PRDX6: variants seen among roughly 807,000 people sequenced by gnomAD.
The protein encoded by PRDX6 is peroxiredoxin-6.
Under a neutral mutation model 20.0 loss-of-function variants are expected in PRDX6, and 13 were observed. The ratio of observed to expected loss-of-function variants is 0.65; its 90% CI spans 0.42 to 1.03. PRDX6 has a LOEUF of 1.03. Among genes scored for constraint, PRDX6 ranks in the 50% least tolerant of loss-of-function variants. PRDX6 has a pLI of 0.00. For synonymous variants in PRDX6, 85 were observed against 100.8 expected, an observed-to-expected ratio of 0.84 and a Z score of 0.94; for missense variants, 203 against 276.9, an observed-to-expected ratio of 0.73 and a Z score of 1.89.
rs768009412 is a variant in PRDX6 at position 173,477,379 on chromosome 1, C to G, written c.-19C>G. ...CCGGTTGCTTGCTGTCCCAGCGGCG[C>G]CCCCTCATCACCGTCGCCATGCCCG... is the stretch of plus-strand genomic sequence containing the variant. On this transcript the variant is annotated 5_prime_UTR_variant, in exon 1 of 5. Transcript: ENST00000340385. 3.8e-6 allele frequency: 6 copies of G among 1,594,660 alleles called. No individual in the cohort carries two copies. Among genetic ancestry groups the G allele is most frequent in the South Asian group, 2.2e-5 (2 of 89,544 alleles).
At position 173,487,978 on chromosome 1, in the gene PRDX6, C is replaced by A; in HGVS notation, c.*115C>A. 1 of 1,291,472 alleles carries A rather than the reference C, an allele frequency of 7.7e-7. No individual in the cohort carries two copies. The highest frequency in any genetic ancestry group is 1.1e-6 in the Non-Finnish European group (1 of 937,046). The allele number at this position is 1,291,472 out of a possible 1,614,324, so 80.0% of individuals were successfully genotyped here. On this transcript the variant is annotated 3_prime_UTR_variant, in exon 5 of 5. Transcript: ENST00000340385. ...CATCACAGCCAAGGTTTTTAGGTTG[C>A]TATACCAATGGCTTATTAAATGAAA... is the stretch of plus-strand genomic sequence containing the variant.
intron 2 of PRDX6, 28 bp from the exon 3 acceptor site, chr1:173,485,333 C>T: frequency 1.3e-6 from 2 of 1,541,030 alleles, no homozygotes; most frequent in Non-Finnish European, 1.8e-6. Context: ...GGTTTAGATT[C>T]CTCTTTCCCC....
chr1:173,482,185 T>C (rs1355154638), intron 2 of PRDX6, among the ~76,000 whole-genome samples: 2 of 152,360 alleles, frequency 1.3e-5, no homozygotes, highest in Admixed American at 6.5e-5. Context: ...CTTCAAAATA[T>C]GTCCTGTATC....
At chr1:173,483,430 A>C (rs1339172205) in intron 2 of PRDX6, among the ~76,000 whole-genome samples, 1 of 152,154 alleles carries the variant, frequency 6.6e-6, no homozygotes, top group Non-Finnish European at 1.5e-5. Flanking sequence ...GAATGTTACA[A>C]TTTGTTATCA....
Position 173,485,476 on chromosome 1 carries a change from A to G in PRDX6, c.368A>G (p.Asp123Gly). The G allele has an allele frequency of 6.2e-7, 1 of 1,607,240 alleles. No individual in the cohort carries two copies. Among genetic ancestry groups the G allele is most frequent in the Non-Finnish European group, 8.5e-7 (1 of 1,176,516 alleles). Residue 123 changes from aspartate (D) to glycine (G), a missense_variant, in exon 3 of 5, where the codon GAT becomes GGT. By Grantham distance (94) the Asp-to-Gly change is moderately conservative (BLOSUM62 -1). Coordinates refer to ENST00000340385, the MANE Select transcript of PRDX6 (RefSeq NM_004905.3). Reference sequence around the variant, plus strand: ...GGCATGCTGGATCCAGCAGAGAAGGATGAAAAGGGCATGCCTGTGACAGCT... The same window carrying G: ...GGCATGCTGGATCCAGCAGAGAAGGGTGAAAAGGGCATGCCTGTGACAGCT... The part of the protein sequence containing the change: ...LLGMLDPAEK[D>G]EKGMPVTARV...
intron 2 of PRDX6, 80 bp from the exon 3 acceptor site, chr1:173,485,281 A>C: frequency 7.3e-7 from 1 of 1,362,292 alleles, no homozygotes; most frequent in Middle Eastern, 1.9e-4. Flanking sequence ...CCTGTCTTGC[A>C]AGGTGATGGC....
intron 2 of PRDX6, chr1:173,481,833 G>T: frequency 4.5e-6 from 1 of 220,800 alleles, no homozygotes; most frequent in Non-Finnish European, 9.1e-6. Context: ...CTTATTTCTT[G>T]GACCTCATCT....
chr1:173,486,845 A>C (rs1303256875), intron 4 of PRDX6, among the ~76,000 whole-genome samples: 2 of 152,202 alleles, frequency 1.3e-5, no homozygotes, highest in Non-Finnish European at 2.9e-5. Context: ...ATTCTCCAAA[A>C]TTTGTTCATA....
At chr1:173,483,801 G>A (rs1050331929) in intron 2 of PRDX6, among the ~76,000 whole-genome samples, 6 of 152,018 alleles carry the variant, frequency 3.9e-5, no homozygotes, top group African/African-American at 1.5e-4. Flanking sequence ...TTGCCCACAT[G>A]TTTCATTAAT....
intron 1 of PRDX6, among the ~76,000 whole-genome samples, chr1:173,479,397 G>C (rs1252531413): frequency 6.6e-6 from 1 of 152,110 alleles, no homozygotes; most frequent in Non-Finnish European, 1.5e-5. Flanking sequence ...TTTCTATTCT[G>C]TATATGATCC....
Position 173,487,936 on chromosome 1 carries a change from TA to T in PRDX6, c.*76del. 1 of 1,585,986 alleles carries T rather than the reference TA, an allele frequency of 6.3e-7. No homozygotes were observed. Among genetic ancestry groups the T allele is most frequent in the Non-Finnish European group, 8.6e-7 (1 of 1,161,928 alleles). On this transcript the variant is annotated 3_prime_UTR_variant, in exon 5 of 5. Coordinates refer to ENST00000340385, the MANE Select transcript of PRDX6 (RefSeq NM_004905.3). ...ATTGTGTTTTCCTGCAGCAATTCCA[TA>T]AACACATCCTGGTGTCATCACAGCC...
intron 2 of PRDX6, among the ~76,000 whole-genome samples, chr1:173,482,830 T>A (rs1468866719): frequency 1.3e-5 from 2 of 152,240 alleles, no homozygotes; most frequent in Non-Finnish European, 2.9e-5. Context: ...TCCTTACACT[T>A]CTCAGTGAGT....
intron 3 of PRDX6, 88 bp from the exon 4 acceptor site, chr1:173,486,167 G>C (rs934065444): frequency 3.3e-6 from 4 of 1,199,940 alleles, no homozygotes; most frequent in African/African-American, 3.1e-5. Context: ...TTATACCCTT[G>C]AACATTATTA....
At chr1:173,485,659 G>A in intron 3 of PRDX6, 152 bp downstream of exon 3, 1 of 758,158 alleles carries the variant, frequency 1.3e-6, no homozygotes, top group Non-Finnish European at 1.9e-6. Context: ...CTGTAATGCT[G>A]ATGCAATTTT....
At chr1:173,481,114 C>G (rs1571395956) in intron 1 of PRDX6, 1 of 518,006 alleles carries the variant, frequency 1.9e-6, no homozygotes, top group Non-Finnish European at 3.4e-6. Flanking sequence ...AATTTCATGT[C>G]TTTGATTGAA....
chr1:173,479,002 G>A (rs1250036937), intron 1 of PRDX6, among the ~76,000 whole-genome samples: 1 of 152,122 alleles, frequency 6.6e-6, no homozygotes, highest in Non-Finnish European at 1.5e-5. Flanking sequence ...TTAGAGTTGT[G>A]TTCCTTCCCA....
chr1:173,482,996 A>C (rs1203608768), intron 2 of PRDX6, among the ~76,000 whole-genome samples: 1 of 152,240 alleles, frequency 6.6e-6, no homozygotes, highest in Admixed American at 6.5e-5. Flanking sequence ...GATGATAAAG[A>C]GTAGGATTTA....
chr1:173,484,394 T>C (rs1658862555), intron 2 of PRDX6, among the ~76,000 whole-genome samples: 1 of 151,754 alleles, frequency 6.6e-6, no homozygotes, highest in Non-Finnish European at 1.5e-5. Flanking sequence ...CAAATGGGAG[T>C]GTTCGTATAC....
At chr1:173,480,933 A>G (rs1203708063) in intron 1 of PRDX6, among the ~76,000 whole-genome samples, 1 of 152,222 alleles carries the variant, frequency 6.6e-6, no homozygotes, top group Non-Finnish European at 1.5e-5. Context: ...GTCAGGGTCT[A>G]TGCTAGAAAA....
Sources: gnomAD v4.1 joint callset for allele counts (sites outside exome capture counted in the v4.1 genomes callset) on GRCh38, gnomAD v4.1.1 for gene constraint, MANE v1.5 for transcripts, NCBI Gene and HGNC (gene_info 2026-07-23, HGNC 2026-07-21) for gene names.